The following CDK5RAP2 variants were observed in gnomAD, a reference collection of about 807,000 sequenced individuals.
CDK5RAP2 encodes CDK5 regulatory subunit-associated protein 2.
Under a neutral mutation model 232.9 loss-of-function variants are expected in CDK5RAP2, and 147 were observed. The ratio of observed to expected loss-of-function variants is 0.63; its 90% CI spans 0.55 to 0.72. The LOEUF is 0.72. CDK5RAP2 is among the 30% of genes least tolerant of loss of function. CDK5RAP2 has a pLI of 0.00. For missense variants in CDK5RAP2, 2,195 were observed against 2,231.5 expected, an observed-to-expected ratio of 0.98 and a Z score of 0.33; for synonymous variants, 833 against 833.7, an observed-to-expected ratio of 1.00 and a Z score of 0.01.
intron 6 of CDK5RAP2, among the ~76,000 whole-genome samples, chr9:120,538,132 T>TCC (rs1398024211): frequency 6.6e-6 from 1 of 152,192 alleles, no homozygotes; most frequent in Admixed American, 6.5e-5. Context: ...TTCTAACCCC[T>TCC]CCAAGCCTGT....
At chr9:120,551,467 C>T (rs1199949092) in intron 3 of CDK5RAP2, among the ~76,000 whole-genome samples, 2 of 152,146 alleles carry the variant, frequency 1.3e-5, no homozygotes, top group African/African-American at 2.4e-5. Context: ...TCTCTTATCA[C>T]CATTGAAGGG....
chr9:120,483,946 C>T (rs1178351245), intron 14 of CDK5RAP2, among the ~76,000 whole-genome samples: 2 of 152,156 alleles, frequency 1.3e-5, no homozygotes, highest in East Asian at 1.9e-4. Flanking sequence ...ATGTCACAGC[C>T]CTGCAACAAA....
At chr9:120,536,332 ATAATG>A in intron 7 of CDK5RAP2, 35 bp downstream of exon 7, 8 of 1,608,280 alleles carry the variant, frequency 5.0e-6, no homozygotes, top group Non-Finnish European at 6.8e-6. Context: ...ACGCTGCCAG[ATAATG>A]TGATGTCAGG....
At position 120,550,735 on chromosome 9, in the gene CDK5RAP2, C is replaced by T. The variant is rs1588633680; in HGVS notation, c.306+57G>A. The T allele has an allele frequency of 5.1e-6, 5 of 978,582 alleles. No individual in the cohort carries two copies. The South Asian group carries it at 6.4e-5, about 12-fold the overall frequency. 60.6% of individuals were successfully genotyped at this position (978,582 alleles called of 1,614,324 possible). ...AGAACAAATATTAATCAAATTTCTG[C>T]TTGAAATGACAATGAGAAAGGACAC... On this transcript the variant is annotated intron_variant, in intron 4 of 37. Coordinates refer to ENST00000349780, the MANE Select transcript of CDK5RAP2 (RefSeq NM_018249.6).
chr9:120,516,902 G>A lies in CDK5RAP2; in HGVS notation c.1311+1525C>T, dbSNP rs898657586. ...TCTCACTCCTCAGGATCTATCCTAG[G>A]GATTTCAAGAGAAAATATCCTTATG... On this transcript the variant is annotated intron_variant, in intron 12 of 37. Coordinates refer to ENST00000349780, the MANE Select transcript of CDK5RAP2 (RefSeq NM_018249.6). 2.6e-4 allele frequency among the ~76,000 whole-genome samples: 40 copies of A among 152,270 alleles called. 1 individual carries two copies. The highest frequency in any genetic ancestry group is 9.1e-4 in the African/African-American group (38 of 41,540).
At chr9:120,496,162 T>G (rs1435137179) in intron 12 of CDK5RAP2, among the ~76,000 whole-genome samples, 5 of 104,874 alleles carry the variant, frequency 4.8e-5, no homozygotes, top group Admixed American at 1.7e-4. Context: ...GGTGGGGGGG[T>G]CAGCCCCCCG....
Position 120,491,463 on chromosome 9 carries a change from T to G in CDK5RAP2, c.1326A>C (p.Glu442Asp). 6.2e-7 allele frequency: 1 copy of G among 1,610,236 alleles called. No homozygotes were observed. Among genetic ancestry groups the G allele is most frequent in the Non-Finnish European group, 8.5e-7 (1 of 1,178,196 alleles). Reference protein sequence around the residue: ...GDCTIRDLRNEVEKLRNEVNE... With the variant: ...GDCTIRDLRNDVEKLRNEVNE... ...TCACTTCATTGCGTAATTTTTCAAC[T>G]TCATTTCTAAGATCCTACCAGAAGA... is the stretch of plus-strand genomic sequence containing the variant. The change falls in exon 13 of 38, where the codon GAA (glutamate) becomes GAC (aspartate). Residue 442 changes from glutamate (E) to aspartate (D), a missense_variant. Physicochemically the swap from Glu to Asp is conservative, Grantham distance 45. Transcript: ENST00000349780.
At chr9:120,528,308 T>C (rs2040996893) in intron 9 of CDK5RAP2, among the ~76,000 whole-genome samples, 1 of 9,450 alleles carries the variant, frequency 1.1e-4, no homozygotes, top group African/African-American at 1.4e-4. Context: ...ACATTTATAG[T>C]CTGAGTTCAT....
intron 22 of CDK5RAP2, among the ~76,000 whole-genome samples, chr9:120,444,349 T>A (rs2036068330): frequency 6.6e-6 from 1 of 152,228 alleles, no homozygotes; most frequent in Non-Finnish European, 1.5e-5. Flanking sequence ...CCATAAAATC[T>A]TTCCTCCATG....
chr9:120,419,580 T>C (rs1389947396), intron 27 of CDK5RAP2, among the ~76,000 whole-genome samples: 1 of 152,158 alleles, frequency 6.6e-6, no homozygotes, highest in Non-Finnish European at 1.5e-5. Context: ...AAAATAAAAA[T>C]GGCTTTTCCC....
chr9:120,554,133 T>C (rs529703782), intron 3 of CDK5RAP2, among the ~76,000 whole-genome samples: 71 of 152,286 alleles, frequency 4.7e-4, no homozygotes, highest in African/African-American at 1.5e-3. Flanking sequence ...CACTACAGTA[T>C]GGGACATTAT....
At chr9:120,559,084 G>A (rs2042358280) in intron 3 of CDK5RAP2, among the ~76,000 whole-genome samples, 1 of 152,108 alleles carries the variant, frequency 6.6e-6, no homozygotes, top group South Asian at 2.1e-4. Context: ...ACATGCCTCA[G>A]TTCCTCCATC....
intron 18 of CDK5RAP2, 99 bp from the exon 19 acceptor site, chr9:120,460,766 A>C: frequency 6.4e-7 from 1 of 1,560,196 alleles, no homozygotes; most frequent in South Asian, 1.2e-5. Context: ...TTTTAATGCA[A>C]AACAAAAAGC....
intron 5 of CDK5RAP2, among the ~76,000 whole-genome samples, chr9:120,541,194 C>T (rs2041617480): frequency 6.6e-6 from 1 of 152,130 alleles, no homozygotes; most frequent in Non-Finnish European, 1.5e-5. Context: ...TATAAAATGG[C>T]TCATCTCTGC....
chr9:120,486,585 A>G (rs1588461076), intron 14 of CDK5RAP2, among the ~76,000 whole-genome samples: 1 of 152,104 alleles, frequency 6.6e-6, no homozygotes, highest in Non-Finnish European at 1.5e-5. Context: ...GTGCCTGCCC[A>G]TGGTGCTGTA....
chr9:120,552,617 C>T (rs996102441), intron 3 of CDK5RAP2, among the ~76,000 whole-genome samples: 2 of 146,872 alleles, frequency 1.4e-5, no homozygotes, highest in African/African-American at 5.1e-5. Flanking sequence ...ACCACACGTT[C>T]TCACTCATAG....
chr9:120,425,842 T>A (rs951387375), intron 25 of CDK5RAP2, among the ~76,000 whole-genome samples: 1 of 152,124 alleles, frequency 6.6e-6, no homozygotes, highest in African/African-American at 2.4e-5. Flanking sequence ...GATACAGAGA[T>A]GAATGAGGAG....
In CDK5RAP2 at chr9:120,458,438, C is replaced by T. The variant is rs2036904828; in HGVS notation, c.2375+12G>A. Reference sequence around the variant, plus strand: ...CTAGAGAAACAAAGGAATGCCTGGGCCCCATGTATACCTGGATTCCAGTAA... The same window carrying T: ...CTAGAGAAACAAAGGAATGCCTGGGTCCCATGTATACCTGGATTCCAGTAA... On this transcript the variant is annotated intron_variant, in intron 20 of 37. Coordinates refer to ENST00000349780, the MANE Select transcript of CDK5RAP2 (RefSeq NM_018249.6). 6.2e-7 allele frequency: 1 copy of T among 1,613,566 alleles called. No homozygotes were observed. The highest frequency in any genetic ancestry group is 1.1e-5 in the South Asian group (1 of 91,060).
chr9:120,390,086 G>A (rs748979645), intron 36 of CDK5RAP2: 12 of 361,254 alleles, frequency 3.3e-5, no homozygotes, highest in East Asian at 1.7e-4. Flanking sequence ...AGCTGTGCAC[G>A]GCCACCTGGC....
Sources: allele counts gnomAD v4.1 joint callset (sites outside exome capture counted in the v4.1 genomes callset), GRCh38; gene constraint gnomAD v4.1.1; transcripts MANE v1.5; gene names NCBI Gene and HGNC (gene_info 2026-07-23, HGNC 2026-07-21).